The following RBPJ variants were observed in gnomAD, a reference collection of about 807,000 sequenced individuals.
RBPJ encodes the protein recombination signal binding protein for immunoglobulin kappa J region.
A neutral mutation model predicts 67.8 loss-of-function variants in RBPJ; 9 were observed. The observed-to-expected ratio is 0.13, with a 90% confidence interval of 0.08 to 0.23. RBPJ has a LOEUF of 0.23. RBPJ is among the 10% of genes least tolerant of loss of function. The probability of loss-of-function intolerance (pLI) is 1.00; values close to 1 mark genes in which losing one functional copy is unlikely to be tolerated. For missense variants in RBPJ, 305 were observed against 595.6 expected (o/e 0.51, Z 5.08); for synonymous variants, 198 against 203.3 (o/e 0.97, Z 0.22).
At chr4:26,352,722 C>A (rs913310011) in intron 1 of RBPJ, among the ~76,000 whole-genome samples, 1 of 152,174 alleles carries the variant, frequency 6.6e-6, no homozygotes, top group African/African-American at 2.4e-5. Flanking sequence ...CAACAAAAAC[C>A]TCAAACAAAA....
the RBPJ span, among the ~76,000 whole-genome samples, chr4:26,157,992 T>C: frequency 6.6e-6 from 1 of 152,242 alleles, no homozygotes; most frequent in Non-Finnish European, 1.5e-5. Flanking sequence ...AGATGAACTA[T>C]CTAGCTGAAC....
At chr4:26,180,043 T>A (rs1425433441) in intron 1 of RBPJ, among the ~76,000 whole-genome samples, 1 of 151,946 alleles carries the variant, frequency 6.6e-6, no homozygotes, top group African/African-American at 2.4e-5. Context: ...GGAATTGGAG[T>A]CAATTTTTCT....
intron 1 of RBPJ, among the ~76,000 whole-genome samples, chr4:26,347,751 G>A (rs573921398): frequency 6.6e-6 from 1 of 152,262 alleles, no homozygotes; most frequent in Admixed American, 6.5e-5. Flanking sequence ...CACGAAGAGG[G>A]AAGAGATGAA....
At chr4:26,129,303 G>C in the RBPJ span, among the ~76,000 whole-genome samples, 1 of 152,192 alleles carries the variant, frequency 6.6e-6, no homozygotes, top group Non-Finnish European at 1.5e-5. Context: ...TTTCAAAGGA[G>C]CCTAAGAGTA....
intron 3 of RBPJ, among the ~76,000 whole-genome samples, chr4:26,409,429 A>G (rs951886364): frequency 6.6e-6 from 1 of 152,196 alleles, no homozygotes; most frequent in African/African-American, 2.4e-5. Flanking sequence ...TCCAACATAT[A>G]TAGAGAGCTG....
In RBPJ at chr4:26,420,628, C is replaced by T. The variant is rs755823044; in HGVS notation, c.399C>T (p.Phe133=). The part of the protein sequence containing the change: ...RKHFMLSVKM[F]YGNSDDIGVF... ...ACTTCATGTTGTCTGTAAAGATGTT[C>T]TATGGCAACAGTGATGACATTGGTG... is the stretch of plus-strand genomic sequence containing the variant. Residue 133 remains phenylalanine (F), a synonymous_variant, in exon 5 of 11, where the codon TTC becomes TTT. Coordinates refer to ENST00000355476, the MANE Select transcript of RBPJ (RefSeq NM_015874.6). The T allele has an allele frequency of 6.2e-7, 1 of 1,613,754 alleles. No homozygotes were observed. Among genetic ancestry groups the T allele is most frequent in the East Asian group, 2.2e-5 (1 of 44,862 alleles).
chr4:26,263,938 G>A (rs1045497398), intron 1 of RBPJ, among the ~76,000 whole-genome samples: 3 of 150,862 alleles, frequency 2.0e-5, no homozygotes, highest in Admixed American at 1.3e-4. Context: ...GCAGCCGTGC[G>A]ATCTCGGCTC....
chr4:26,241,766 C>G (rs1158444166), intron 1 of RBPJ, among the ~76,000 whole-genome samples: 1 of 152,114 alleles, frequency 6.6e-6, no homozygotes, highest in Admixed American at 6.5e-5. Flanking sequence ...CCCGCCCAGA[C>G]CTCCCAAAGT....
At chr4:26,224,914 C>T (rs1719032507) in intron 1 of RBPJ, among the ~76,000 whole-genome samples, 1 of 152,122 alleles carries the variant, frequency 6.6e-6, no homozygotes, top group South Asian at 2.1e-4. Context: ...CTCTACTCAC[C>T]CAGCCCCAAA....
At chr4:26,251,140 C>G (rs764696732) in intron 1 of RBPJ, among the ~76,000 whole-genome samples, 12 of 152,180 alleles carry the variant, frequency 7.9e-5, no homozygotes, top group Non-Finnish European at 1.6e-4. Context: ...TATTACCAAC[C>G]AATGTTGGTG....
chr4:26,216,047 T>A (rs2109183976), intron 1 of RBPJ, among the ~76,000 whole-genome samples: 1 of 152,222 alleles, frequency 6.6e-6, no homozygotes, highest in Admixed American at 6.5e-5. Context: ...CGGGGGAAAT[T>A]CAGTTCCTTG....
upstream of RBPJ, among the ~76,000 whole-genome samples, chr4:26,316,889 CT>C (rs35378442): frequency 8.0e-6 from 1 of 124,908 alleles, no homozygotes; most frequent in Non-Finnish European, 1.6e-5. Context: ...CTCCATATGC[CT>C]TTTTCTCCTC....
chr4:26,297,640 A>G (rs934747882), intron 1 of RBPJ, among the ~76,000 whole-genome samples: 3 of 152,172 alleles, frequency 2.0e-5, no homozygotes, highest in Non-Finnish European at 4.4e-5. Context: ...TTAGTCTATC[A>G]TTTATAAAGT....
chr4:26,390,710 C>G (rs577939533), intron 2 of RBPJ, among the ~76,000 whole-genome samples: 1 of 152,132 alleles, frequency 6.6e-6, no homozygotes, highest in Non-Finnish European at 1.5e-5. Context: ...CCAAACATTA[C>G]TGGGAGAACT....
At chr4:26,242,195 C>G (rs984286356) in intron 1 of RBPJ, among the ~76,000 whole-genome samples, 16 of 152,018 alleles carry the variant, frequency 1.1e-4, no homozygotes, top group African/African-American at 3.6e-4. Flanking sequence ...CCCCTGTAAT[C>G]CCAGCACTAT....
chr4:26,132,737 A>C, the RBPJ span, among the ~76,000 whole-genome samples: 3 of 152,138 alleles, frequency 2.0e-5, no homozygotes, highest in South Asian at 2.1e-4. Flanking sequence ...AAAACAAAAC[A>C]AAACCACTGT....
the RBPJ span, among the ~76,000 whole-genome samples, chr4:26,124,540 A>G: frequency 1.9e-4 from 28 of 148,868 alleles, no homozygotes; most frequent in African/African-American, 7.0e-4. Flanking sequence ...TTGTGCTGCT[A>G]TAAACATGAG....
chr4:26,305,748 T>C (rs1201419013), intron 1 of RBPJ, among the ~76,000 whole-genome samples: 1 of 148,428 alleles, frequency 6.7e-6, no homozygotes, highest in African/African-American at 2.5e-5. Flanking sequence ...AATTTTTTAG[T>C]GGAGTTCTTA....
intron 1 of RBPJ, among the ~76,000 whole-genome samples, chr4:26,244,245 G>T (rs1443078178): frequency 5.3e-5 from 1 of 18,772 alleles, no homozygotes; most frequent in African/African-American, 1.5e-4. Flanking sequence ...GTCTATATAT[G>T]TGTACACATA....
Sources: allele counts gnomAD v4.1 joint callset (sites outside exome capture counted in the v4.1 genomes callset), GRCh38; gene constraint gnomAD v4.1.1; transcripts MANE v1.5; gene names NCBI Gene and HGNC (gene_info 2026-07-23, HGNC 2026-07-21).